HCFC1: variants seen among roughly 807,000 people sequenced by gnomAD.
HCFC1 encodes host cell factor C1, also known as host cell factor 1.
A neutral mutation model predicts 105.5 loss-of-function variants in HCFC1; 7 were observed. That is an observed-to-expected ratio of 0.07 (90% confidence interval 0.04 to 0.12). The LOEUF (loss-of-function observed/expected upper bound fraction) is 0.12. Ranked by LOEUF, HCFC1 falls within the 10% of genes least tolerant of loss-of-function variation. The pLI is 1.00. For synonymous variants in HCFC1, 918 were observed against 828.1 expected, an observed-to-expected ratio of 1.11 and a Z score of -1.86; for missense variants, 1,065 against 1,823.6, an observed-to-expected ratio of 0.58 and a Z score of 7.58.
At chrX:153,967,146 G>A (rs1206791824) in intron 1 of HCFC1, among the ~76,000 whole-genome samples, 1 of 112,051 alleles carries the variant, frequency 8.9e-6, no homozygotes, top group Non-Finnish European at 1.9e-5. Flanking sequence ...GAAAGCACAC[G>A]AGCAAGCTCT....
intron 1 of HCFC1, among the ~76,000 whole-genome samples, chrX:153,966,180 G>A (rs782631739): frequency 2.7e-5 from 3 of 111,735 alleles, no homozygotes; most frequent in Admixed American, 9.4e-5. Context: ...ACTGCATCCC[G>A]GCCTGGGCAA....
intron 3 of HCFC1, 117 bp downstream of exon 3, chrX:153,964,007 G>A (rs1164107436): frequency 3.1e-5 from 19 of 605,936 alleles, no homozygotes; most frequent in Non-Finnish European, 3.8e-5. Context: ...AACCCAGCAC[G>A]AGAAAGGGAC....
Position 153,955,666 on chromosome X carries a change from C to A in HCFC1, c.2857-124G>T, listed in dbSNP as rs1416591279. The A allele has an allele frequency of 4.4e-5, 30 of 680,586 alleles. No homozygotes were observed. In the African/African-American group the frequency reaches 5.3e-4, roughly 12 times the overall value. The allele number at this position is 680,586 out of a possible 1,213,427, so 56.1% of individuals were successfully genotyped here. ...ACCACTTCTCAACGGCCCTGGCAGA[C>A]GTAAGACCCACTCACCCCTGCCCCC... On this transcript the variant is annotated intron_variant, in intron 16 of 25. Coordinates refer to ENST00000310441, the MANE Select transcript of HCFC1 (RefSeq NM_005334.3).
chrX:153,964,550 G>A (rs782207650), intron 2 of HCFC1, 28 bp downstream of exon 2: 6 of 1,177,389 alleles, frequency 5.1e-6, no homozygotes, highest in Non-Finnish European at 5.7e-6. Context: ...GGCCAAGGAG[G>A]CAGAGTGAGA....
At chrX:153,953,019 T>C in intron 18 of HCFC1, 61 bp from the exon 19 acceptor site, 1 of 997,163 alleles carries the variant, frequency 1.0e-6, no homozygotes, top group Non-Finnish European at 1.4e-6. Flanking sequence ...CTATGGTCAC[T>C]GTTATTTTGG....
At chrX:153,961,779 C>A in intron 5 of HCFC1, 131 bp from the exon 6 acceptor site, 1 of 498,229 alleles carries the variant, frequency 2.0e-6, no homozygotes, top group South Asian at 3.0e-5. Context: ...ATGCGTGAAG[C>A]CTCCTGACGT....
chrX:153,961,065 G>A (rs1206864556), intron 6 of HCFC1, among the ~76,000 whole-genome samples: 3 of 113,017 alleles, frequency 2.7e-5, no homozygotes, highest in Non-Finnish European at 5.6e-5. Context: ...AGTTACAGCA[G>A]CACAACCGCA....
rs1307451971 is a variant in HCFC1 at position 153,951,265 on chromosome X, A to T, written c.5517+85T>A. ...CCTGGCTACTCAGCTTGGCCCAAAG[A>T]TGGAGGAGTTTCCTGTAAGCCCCGC... On this transcript the variant is annotated intron_variant, in intron 22 of 25. Transcript: ENST00000310441. 13 of 1,069,167 alleles carry T rather than the reference A, an allele frequency of 1.2e-5. No individual in the cohort carries two copies. In the African/African-American group the frequency reaches 2.2e-4, roughly 18 times the overall value. The allele number at this position is 1,069,167 out of a possible 1,213,427, so 88.1% of individuals were successfully genotyped here.
rs2065365916 is a variant in HCFC1 at position 153,955,475 on chromosome X, T to C, written c.2924A>G (p.His975Arg). Residue 975 changes from histidine to arginine, a missense_variant, in exon 17 of 26, where the codon CAT becomes CGT. By Grantham distance (29) the His-to-Arg change is conservative. This residue lies in a region of HCFC1 where 546 missense variants were observed against 599.9 expected (regional missense o/e 0.91). Coordinates refer to ENST00000310441, the MANE Select transcript of HCFC1 (RefSeq NM_005334.3). The part of the protein sequence containing the change: ...APSGVEAQPV[H>R]DLPVSILASP... ...GGCCAGAATGGACACAGGGAGGTCA[T>C]GCACAGGCTGGGCCTCCACCCCACT... 3 of 1,195,404 alleles carry C rather than the reference T, an allele frequency of 2.5e-6. No individual in the cohort carries two copies. The highest frequency in any genetic ancestry group is 4.4e-5 in the Admixed American group (2 of 45,037).
chrX:153,959,567 G>C lies in HCFC1; in HGVS notation c.1445-76C>G, dbSNP rs1442222881. 2.7e-6 allele frequency: 3 copies of C among 1,125,086 alleles called. No individual in the cohort carries two copies. The African/African-American group carries it at 5.4e-5, about 20-fold the overall frequency. 92.7% of individuals were successfully genotyped at this position (1,125,086 alleles called of 1,213,427 possible). A position where few individuals can be genotyped will look rare whatever the true frequency, so the allele number is the denominator to read the frequency against. ...CCAGCCCCTTTGCAGGCAGCCCTGAGCCACTTCTGTTGGCCTGCTTGTGTG... is the reference window on the plus strand; with the variant it reads ...CCAGCCCCTTTGCAGGCAGCCCTGACCCACTTCTGTTGGCCTGCTTGTGTG... On this transcript the variant is annotated intron_variant, in intron 8 of 25. Transcript: ENST00000310441.
intron 18 of HCFC1, among the ~76,000 whole-genome samples, chrX:153,953,282 G>A (rs2065332975): frequency 8.9e-6 from 1 of 111,927 alleles, no homozygotes; most frequent in African/African-American, 3.2e-5. Flanking sequence ...AGGCCCTTGA[G>A]ACCCCCGGTC....
intron 1 of HCFC1, among the ~76,000 whole-genome samples, chrX:153,968,643 G>A (rs1451746743): frequency 2.7e-5 from 3 of 112,549 alleles, no homozygotes; most frequent in African/African-American, 9.7e-5. Flanking sequence ...ATGAATTCAT[G>A]CCAAAGTGGT....
At chrX:153,951,750 T>C in intron 20 of HCFC1, 43 bp from the exon 21 acceptor site, 1 of 1,181,945 alleles carries the variant, frequency 8.5e-7, no homozygotes, top group East Asian at 3.0e-5. Context: ...TCGGGAAACC[T>C]GGCTCCCAAG....
chrX:153,952,574 C>G lies in HCFC1; in HGVS notation c.4882G>C (p.Glu1628Gln). Residue 1628 changes from glutamate to glutamine, a missense_variant, in exon 19 of 26, where the codon GAG becomes CAG. Glu to Gln is a conservative substitution (Grantham distance 29). This residue lies in a region of HCFC1 where 7 missense variants were observed against 29.5 expected (regional missense o/e 0.24). Transcript: ENST00000310441. ...AEAAAQAAAT[E>Q]EAQALAIQAV... ...TGGATGGCCAGGGCCTGGGCTTCCT[C>G]CGTGGCTGCGGCCTGGGCAGCTGCT... 8.3e-7 allele frequency: 1 copy of G among 1,199,854 alleles called. No individual in the cohort carries two copies. Among genetic ancestry groups the G allele is most frequent in the Non-Finnish European group, 1.1e-6 (1 of 888,885 alleles).
intron 18 of HCFC1, among the ~76,000 whole-genome samples, chrX:153,953,376 T>C (rs2065333933): frequency 8.9e-6 from 1 of 111,769 alleles, no homozygotes; most frequent in African/African-American, 3.3e-5. Context: ...TGCGGTGAAG[T>C]GACACGCGAT....
rs377127749 is a variant in HCFC1, at chrX:153,951,935, A to G, written c.5166T>C (p.Ser1722=). The G allele has an allele frequency of 1.8e-4, 218 of 1,185,568 alleles. No individual in the cohort carries two copies. The highest frequency in any genetic ancestry group is 2.4e-4 in the Non-Finnish European group (208 of 881,821). Residue 1722 remains serine (S), a synonymous_variant, in exon 20 of 26, where the codon AGT becomes AGC. Coordinates refer to ENST00000310441, the MANE Select transcript of HCFC1 (RefSeq NM_005334.3). ...LPTEALAPAD[S]LNDPAIESNC... is the part of the protein sequence containing the mutation. The stretch of plus-strand genomic sequence containing the variant: ...TGCTCTCAATGGCTGGGTCGTTGAG[A>G]CTGTCGGCAGGGGCCAGGGCCTCAG...
chrX:153,949,646 G>C lies in HCFC1; in HGVS notation c.6005-30C>G, dbSNP rs781799642. 5 of 1,155,046 alleles carry C rather than the reference G, an allele frequency of 4.3e-6. No homozygotes were observed. In the Admixed American group the frequency reaches 6.5e-5, roughly 15 times the overall value. On this transcript the variant is annotated intron_variant, in intron 24 of 25. Transcript: ENST00000310441. The stretch of plus-strand genomic sequence containing the variant: ...AAGGAACGGGAGAGATGCGTGAGCA[G>C]CATTGTGACAGAACGAGAGCAAGGA...
intron 4 of HCFC1, 75 bp downstream of exon 4, chrX:153,963,150 G>A: frequency 1.3e-6 from 1 of 778,965 alleles, no homozygotes; most frequent in Non-Finnish European, 2.0e-6. Flanking sequence ...CCATACAACA[G>A]CGCCACCCAC....
intron 20 of HCFC1, 58 bp from the exon 21 acceptor site, chrX:153,951,765 A>T: frequency 8.5e-7 from 1 of 1,174,292 alleles, no homozygotes; most frequent in Non-Finnish European, 1.1e-6. Context: ...CCCAAGTGAG[A>T]CCGAGCCTCC....
Sources: allele counts gnomAD v4.1 joint callset (sites outside exome capture counted in the v4.1 genomes callset), GRCh38; gene constraint gnomAD v4.1.1; regional missense constraint gnomAD v4.1.1; transcripts MANE v1.5; gene names NCBI Gene and HGNC (gene_info 2026-07-23, HGNC 2026-07-21).